ALLC: variants seen among roughly 807,000 people sequenced by gnomAD.
ALLC encodes the protein allantoicase.
ALLC carries 40 observed loss-of-function variants against 45.0 expected under a neutral mutation model. That is an observed-to-expected ratio of 0.89 (90% CI 0.69 to 1.16). The LOEUF (loss-of-function observed/expected upper bound fraction) is 1.16. Among genes scored for constraint, ALLC ranks in the 50% most tolerant of loss-of-function variants. ALLC has a pLI of 0.00. For missense variants in ALLC, 488 were observed against 493.1 expected, an observed-to-expected ratio of 0.99 and a Z score of 0.10; for synonymous variants, 176 against 178.1, an observed-to-expected ratio of 0.99 and a Z score of 0.09.
At chr2:3,700,607 G>C (rs1667800584) in intron 10 of ALLC, among the ~76,000 whole-genome samples, 1 of 152,104 alleles carries the variant, frequency 6.6e-6, no homozygotes. Flanking sequence ...GGAAATGAGG[G>C]AGCATGGCAG....
intron 7 of ALLC, among the ~76,000 whole-genome samples, chr2:3,690,790 A>G (rs544521866): frequency 7.9e-5 from 12 of 152,258 alleles, no homozygotes; most frequent in African/African-American, 2.6e-4. Flanking sequence ...AGATATCAAC[A>G]AAAAGATTAT....
chr2:3,692,214 CT>C (rs1667541501), intron 7 of ALLC, among the ~76,000 whole-genome samples: 1 of 152,098 alleles, frequency 6.6e-6, no homozygotes, highest in Admixed American at 6.6e-5. Context: ...TTATTCCAGT[CT>C]TTTCTTTCTG....
the ALLC span, among the ~76,000 whole-genome samples, chr2:3,646,590 A>G: frequency 1.3e-5 from 2 of 152,192 alleles, no homozygotes; most frequent in Non-Finnish European, 2.9e-5. Context: ...GGAATGATGT[A>G]CAGCTGGAGA....
At chr2:3,700,204 A>G (rs1459250853) in intron 10 of ALLC, among the ~76,000 whole-genome samples, 1 of 152,118 alleles carries the variant, frequency 6.6e-6, no homozygotes, top group Non-Finnish European at 1.5e-5. Context: ...TCCTGTTTCA[A>G]TCTTCTGCAT....
chr2:3,662,383 G>A (rs975567097), intron 1 of ALLC, among the ~76,000 whole-genome samples: 1 of 152,362 alleles, frequency 6.6e-6, no homozygotes, highest in East Asian at 1.9e-4. Context: ...GGCCCCGCAG[G>A]CAGTTCTTTG....
At chr2:3,653,953 G>T (rs978798868), upstream of ALLC, among the ~76,000 whole-genome samples, 2 of 152,190 alleles carry the variant, frequency 1.3e-5, no homozygotes, top group Non-Finnish European at 2.9e-5. This position sits in a 1 kb window ranked among gnomAD's most constrained non-coding sequence, Gnocchi z 4.1. Context: ...ATCTTAGCTT[G>T]CATGGTTCCT....
intron 2 of ALLC, among the ~76,000 whole-genome samples, chr2:3,672,462 G>C (rs111289436): frequency 1.5e-5 from 2 of 136,662 alleles, no homozygotes; most frequent in Non-Finnish European, 1.6e-5. Flanking sequence ...TGGTTAGATC[G>C]GAGGTCCTCT....
chr2:3,647,103 G>T, the ALLC span, among the ~76,000 whole-genome samples: 3 of 152,128 alleles, frequency 2.0e-5, no homozygotes, highest in African/African-American at 4.8e-5. Context: ...TCTCTGGTTC[G>T]CTGAGGTGGC....
chr2:3,686,248 G>A (rs1000152971), intron 7 of ALLC, among the ~76,000 whole-genome samples: 1 of 150,788 alleles, frequency 6.6e-6, no homozygotes, highest in Non-Finnish European at 1.5e-5. Flanking sequence ...TCCCCATTGC[G>A]TGTTCTTGGT....
In ALLC at chr2:3,680,160, G is replaced by C. The variant is rs1413345006; in HGVS notation, c.298+166G>C. The stretch of plus-strand genomic sequence containing the variant: ...GGCTGTAGGACCAGGACTCCTAGTA[G>C]AGCGCTCTGTGGTTTTTGATTTGTG... On this transcript the variant is annotated intron_variant, in intron 5 of 11. Transcript: ENST00000252505. The surrounding 1 kb of genome is among the most constrained non-coding windows in gnomAD (Gnocchi z 4.0). 2.0e-5 allele frequency among the ~76,000 whole-genome samples: 3 copies of C among 152,194 alleles called. No individual in the cohort carries two copies. The highest frequency in any genetic ancestry group is 7.2e-5 in the African/African-American group (3 of 41,432).
chr2:3,652,580 A>ATTTTT, the ALLC span, among the ~76,000 whole-genome samples: 5 of 93,324 alleles, frequency 5.4e-5, 1 homozygote, highest in African/African-American at 1.5e-4. Flanking sequence ...AAACTTTGTG[A>ATTTTT]TTTTTTTTTT....
At chr2:3,682,873 A>T in intron 6 of ALLC, 69 bp from the exon 7 acceptor site, 1 of 1,518,726 alleles carries the variant, frequency 6.6e-7, no homozygotes, top group Non-Finnish European at 9.0e-7. Flanking sequence ...TAAGTGCCAC[A>T]GAGGCAATAG....
At chr2:3,701,406 CTTG>C in intron 10 of ALLC, 103 bp from the exon 11 acceptor site, 1 of 1,357,566 alleles carries the variant, frequency 7.4e-7, no homozygotes, top group Non-Finnish European at 9.8e-7. Context: ...AGAGCAGGGA[CTTG>C]TTTTTTGCTG....
chr2:3,654,449 C>G (rs944370399), upstream of ALLC, among the ~76,000 whole-genome samples: 4 of 152,252 alleles, frequency 2.6e-5, no homozygotes, highest in Non-Finnish European at 5.9e-5. Context: ...AAGGGATTTA[C>G]CAACGTATGA....
the ALLC span, among the ~76,000 whole-genome samples, chr2:3,651,442 T>TGTGTGTGTGTGTG: frequency 9.1e-3 from 232 of 25,594 alleles, 80 homozygotes; most frequent in South Asian, 0.031. Flanking sequence ...TGTGTGTGTG[T>TGTGTGTGTGTGTG]TAGGAAGGGA....
intron 10 of ALLC, among the ~76,000 whole-genome samples, chr2:3,700,903 C>T (rs1049270663): frequency 6.6e-6 from 1 of 152,136 alleles, no homozygotes; most frequent in Admixed American, 6.5e-5. Context: ...TAGAAGTTCT[C>T]TCTTCTCAAA....
intron 1 of ALLC, among the ~76,000 whole-genome samples, chr2:3,664,500 C>G (rs1384638551): frequency 6.6e-6 from 1 of 152,130 alleles, no homozygotes; most frequent in Non-Finnish European, 1.5e-5. Flanking sequence ...GCATGGGGGT[C>G]AGTGAGTGGA....
At chr2:3,699,845 T>C (rs1667778456) in intron 10 of ALLC, among the ~76,000 whole-genome samples, 1 of 152,142 alleles carries the variant, frequency 6.6e-6, no homozygotes, top group African/African-American at 2.4e-5. Flanking sequence ...TTTAATGGGG[T>C]TGTTTTTTGC....
chr2:3,661,552 C>A (rs1666577379), intron 1 of ALLC, among the ~76,000 whole-genome samples: 1 of 152,138 alleles, frequency 6.6e-6, no homozygotes, highest in African/African-American at 2.4e-5. Context: ...TGGGGCTGTT[C>A]CCTGGAATTC....
Sources: gnomAD v4.1 joint callset for allele counts (sites outside exome capture counted in the v4.1 genomes callset) on GRCh38, gnomAD v4.1.1 for gene constraint, Gnocchi (gnomAD v3.1) non-coding constraint, MANE v1.5 for transcripts, NCBI Gene and HGNC (gene_info 2026-07-23, HGNC 2026-07-21) for gene names.